CPAMD8: variants seen among roughly 807,000 people sequenced by gnomAD.
The protein encoded by CPAMD8 is C3 and PZP like alpha-2-macroglobulin domain containing 8.
In CPAMD8, 146 loss-of-function variants were observed where a neutral mutation model predicts 224.7. The observed-to-expected ratio is 0.65, with a 90% CI of 0.57 to 0.75. The LOEUF is 0.75. Ranked by LOEUF, CPAMD8 falls within the 30% of genes least tolerant of loss-of-function variation. CPAMD8 has a pLI of 0.00. For missense variants in CPAMD8, 2,301 were observed against 2,537.5 expected (o/e 0.91, Z 2.00); for synonymous variants, 966 against 1,044.6 (o/e 0.92, Z 1.45).
intron 18 of CPAMD8, among the ~76,000 whole-genome samples, chr19:16,960,205 C>T (rs1206477911): frequency 1.4e-5 from 2 of 144,120 alleles, no homozygotes; most frequent in African/African-American, 5.8e-5. Context: ...GCTCCTTCTC[C>T]TTTCTCAAAA....
At chr19:17,015,566 C>T (rs147796546) in intron 3 of CPAMD8, among the ~76,000 whole-genome samples, 8 of 152,294 alleles carry the variant, frequency 5.3e-5, no homozygotes, top group Middle Eastern at 3.4e-3. Context: ...ACCTGCCACC[C>T]GCAGGACCAG....
At chr19:16,992,168 G>A (rs974498520) in intron 12 of CPAMD8, among the ~76,000 whole-genome samples, 1 of 152,130 alleles carries the variant, frequency 6.6e-6, no homozygotes, top group Non-Finnish European at 1.5e-5. Flanking sequence ...GGACACTAAG[G>A]CCTTCTGGAT....
At chr19:16,916,809 C>T (rs955435084) in intron 27 of CPAMD8, among the ~76,000 whole-genome samples, 1 of 152,154 alleles carries the variant, frequency 6.6e-6, no homozygotes, top group African/African-American at 2.4e-5. Context: ...CCAGGCCGTT[C>T]TCCCTCTCAG....
intron 35 of CPAMD8, among the ~76,000 whole-genome samples, chr19:16,901,507 C>A (rs998927367): frequency 6.6e-6 from 1 of 152,212 alleles, no homozygotes; most frequent in Non-Finnish European, 1.5e-5. Flanking sequence ...AGGGAAAGGG[C>A]CTTGCCAAGG....
At position 16,971,057 on chromosome 19, in the gene CPAMD8, C is replaced by T. The variant is rs1219623478; in HGVS notation, c.2071-24G>A. ...TCCTAGGCAACAGACAACACCCAAA[C>T]CATTGGTGGGGAAGTGGATGCTGAC... On this transcript the variant is annotated intron_variant, in intron 17 of 41. Coordinates refer to ENST00000443236, the MANE Select transcript of CPAMD8 (RefSeq NM_015692.5). 5 of 1,573,814 alleles carry T rather than the reference C, an allele frequency of 3.2e-6. No homozygotes were observed. In the African/African-American group the frequency reaches 4.1e-5, roughly 13 times the overall value.
intron 7 of CPAMD8, among the ~76,000 whole-genome samples, chr19:17,007,465 A>G (rs569735458): frequency 1.4e-4 from 21 of 151,842 alleles, no homozygotes; most frequent in Admixed American, 4.6e-4. Flanking sequence ...ATCGAAGAAG[A>G]AGGAGGAGGA....
At chr19:16,905,824 TAGG>T (rs1363647508) in intron 30 of CPAMD8, among the ~76,000 whole-genome samples, 1 of 151,940 alleles carries the variant, frequency 6.6e-6, no homozygotes, top group African/African-American at 2.4e-5. Context: ...CTGGGTGAAG[TAGG>T]AGGAGACTAA....
intron 26 of CPAMD8, among the ~76,000 whole-genome samples, chr19:16,922,834 C>G (rs1389207005): frequency 6.6e-6 from 1 of 152,202 alleles, no homozygotes; most frequent in African/African-American, 2.4e-5. Context: ...ATCCCTGGAA[C>G]TACCTCACAC....
chr19:16,938,726 C>T (rs2053781134), intron 22 of CPAMD8, among the ~76,000 whole-genome samples: 1 of 152,178 alleles, frequency 6.6e-6, no homozygotes, highest in Non-Finnish European at 1.5e-5. Context: ...ATGGGGCCCA[C>T]ATCCCTACCC....
At chr19:16,945,151 GC>G (rs1276447699) in intron 22 of CPAMD8, among the ~76,000 whole-genome samples, 3 of 152,104 alleles carry the variant, frequency 2.0e-5, no homozygotes, top group Admixed American at 2.0e-4. Context: ...GCCTGCCTCT[GC>G]CCCCTGCAGC....
rs148895075 is a variant in CPAMD8 at position 17,005,342 on chromosome 19, A to T, written c.560-956T>A. On this transcript the variant is annotated intron_variant, in intron 7 of 41. Transcript: ENST00000443236. Reference sequence around the variant, plus strand: ...TCCTGACAAGCCAAAATGTCCCCAGACATTGCCATGTCCCCTGGGGGCAGA... The same window carrying T: ...TCCTGACAAGCCAAAATGTCCCCAGTCATTGCCATGTCCCCTGGGGGCAGA... Among the ~76,000 whole-genome samples, 904 of 152,166 alleles carry T rather than the reference A, an allele frequency of 5.9e-3. 2 individuals are homozygous for T. Among genetic ancestry groups the T allele is most frequent in the Non-Finnish European group, 9.9e-3 (674 of 67,982 alleles).
intron 27 of CPAMD8, among the ~76,000 whole-genome samples, chr19:16,920,208 G>A (rs540147716): frequency 1.1e-4 from 16 of 152,338 alleles, no homozygotes; most frequent in Admixed American, 3.9e-4. Flanking sequence ...AGCCATGCGC[G>A]GTGGCTCACG....
At chr19:16,983,218 C>A (rs1008355610) in intron 13 of CPAMD8, among the ~76,000 whole-genome samples, 3 of 152,156 alleles carry the variant, frequency 2.0e-5, no homozygotes, top group Non-Finnish European at 4.4e-5. Context: ...GCCTCCCCAA[C>A]ATGGGGAAAG....
intron 18 of CPAMD8, among the ~76,000 whole-genome samples, chr19:16,966,683 G>T (rs549610109): frequency 6.6e-6 from 1 of 152,166 alleles, no homozygotes; most frequent in Admixed American, 6.5e-5. Flanking sequence ...GTGGGCAAAG[G>T]ATATGAACAG....
intron 22 of CPAMD8, among the ~76,000 whole-genome samples, chr19:16,944,717 C>A (rs546681603): frequency 7.5e-6 from 1 of 134,124 alleles, no homozygotes; most frequent in Non-Finnish European, 1.6e-5. Context: ...GACACTACAG[C>A]GGTGACCTGT....
At chr19:16,971,989 G>C (rs1382179793) in intron 17 of CPAMD8, among the ~76,000 whole-genome samples, 1 of 152,094 alleles carries the variant, frequency 6.6e-6, no homozygotes, top group African/African-American at 2.4e-5. Context: ...GGAGGTTGCA[G>C]TGAGCCAAGA....
chr19:16,938,889 T>TG (rs1161435460), intron 22 of CPAMD8, among the ~76,000 whole-genome samples: 1 of 152,252 alleles, frequency 6.6e-6, no homozygotes, highest in East Asian at 1.9e-4. Context: ...TCCCACTGTC[T>TG]GTCTACCACA....
intron 1 of CPAMD8, among the ~76,000 whole-genome samples, chr19:17,023,028 C>T (rs556465181): frequency 1.3e-5 from 2 of 152,208 alleles, no homozygotes; most frequent in Non-Finnish European, 2.9e-5. Flanking sequence ...GGCGGTCAGA[C>T]TCCAAAACCT....
intron 3 of CPAMD8, among the ~76,000 whole-genome samples, chr19:17,015,211 C>T (rs2056778941): frequency 6.6e-6 from 1 of 152,198 alleles, no homozygotes; most frequent in South Asian, 2.1e-4. Context: ...AGCTGCACTC[C>T]AGCCTAGGTG....
Sources: gnomAD v4.1 joint callset for allele counts (sites outside exome capture counted in the v4.1 genomes callset) on GRCh38, gnomAD v4.1.1 for gene constraint, MANE v1.5 for transcripts, NCBI Gene and HGNC (gene_info 2026-07-23, HGNC 2026-07-21) for gene names.